Variants in ADCY9 observed in about 807,000 individuals in gnomAD.
ADCY9 encodes the protein adenylate cyclase type 9.
In ADCY9, 50 loss-of-function variants were observed where a neutral mutation model predicts 101.5. The observed-to-expected ratio is 0.49, with a 90% CI of 0.39 to 0.62. The LOEUF (loss-of-function observed/expected upper bound fraction) is 0.62, where lower values mean the gene tolerates loss of function less well. Ranked by LOEUF, ADCY9 falls within the 20% of genes least tolerant of loss-of-function variation. The probability of loss-of-function intolerance (pLI) is 0.00; values close to 1 mark genes in which losing one functional copy is unlikely to be tolerated. For missense variants in ADCY9, 1,662 were observed against 1,800.4 expected (o/e 0.92, Z 1.39); for synonymous variants, 905 against 769.3 (o/e 1.18, Z -2.92).
chr16:4,072,041 T>C (rs552808122), intron 2 of ADCY9, among the ~76,000 whole-genome samples: 2 of 152,346 alleles, frequency 1.3e-5, no homozygotes, highest in South Asian at 4.1e-4. Flanking sequence ...GTTTTGCCTA[T>C]TCTGACAGAA....
At chr16:4,045,594 T>TAAAAAAAAAA (rs545715002) in intron 2 of ADCY9, among the ~76,000 whole-genome samples, 2 of 64,964 alleles carry the variant, frequency 3.1e-5, no homozygotes, top group African/African-American at 1.1e-4. Flanking sequence ...GACTCTGCCT[T>TAAAAAAAAAA]AAAAAAAAAA....
chr16:4,025,263 C>G (rs2056506636), intron 2 of ADCY9, among the ~76,000 whole-genome samples: 1 of 151,878 alleles, frequency 6.6e-6, no homozygotes. Context: ...ATCCCAGCTA[C>G]TCAGGAGGCT....
intron 2 of ADCY9, among the ~76,000 whole-genome samples, chr16:4,068,798 C>T (rs1394455572): frequency 7.0e-6 from 1 of 142,456 alleles, no homozygotes; most frequent in South Asian, 2.3e-4. Context: ...GCATGAGTGA[C>T]AAAGCGAGAC....
At chr16:4,017,938 G>T (rs2056449070) in intron 2 of ADCY9, among the ~76,000 whole-genome samples, 1 of 152,218 alleles carries the variant, frequency 6.6e-6, no homozygotes, top group Non-Finnish European at 1.5e-5. Flanking sequence ...AGCCCGCACA[G>T]CATGGTGAGC....
intron 2 of ADCY9, among the ~76,000 whole-genome samples, chr16:4,011,282 C>T (rs2056402647): frequency 1.3e-5 from 2 of 152,226 alleles, no homozygotes; most frequent in East Asian, 1.9e-4. Flanking sequence ...GAGCAGAGAA[C>T]GTGTGGAGGG....
chr16:4,089,806 G>C (rs1378528036), intron 2 of ADCY9, among the ~76,000 whole-genome samples: 1 of 151,996 alleles, frequency 6.6e-6, no homozygotes, highest in Non-Finnish European at 1.5e-5. Flanking sequence ...TGCGTGCCAA[G>C]GTGGCTTCCA....
rs573251551 is a variant in ADCY9, at chr16:4,068,504, T to C, written c.1693+45246A>G. Among the ~76,000 whole-genome samples the C allele has an allele frequency of 5.3e-5, 8 of 152,126 alleles. No individual in the cohort carries two copies. The East Asian group carries it at 1.2e-3, about 22-fold the overall frequency. On this transcript the variant is annotated intron_variant, in intron 2 of 10. Transcript: ENST00000294016. ...AGATCATGTTTTACATATGGTACAG[T>C]TGCTTGCTTTTTTCAATTCACAGTT...
intron 2 of ADCY9, among the ~76,000 whole-genome samples, chr16:4,106,096 C>A (rs544906351): frequency 6.6e-6 from 1 of 152,172 alleles, no homozygotes; most frequent in Non-Finnish European, 1.5e-5. Flanking sequence ...CACTTAACTC[C>A]GCAGAAAGGA....
intron 2 of ADCY9, among the ~76,000 whole-genome samples, chr16:4,073,851 C>T (rs377252126): frequency 3.3e-5 from 5 of 152,076 alleles, no homozygotes; most frequent in African/African-American, 4.8e-5. Flanking sequence ...CACAAAGAAA[C>T]GAAGAGTTCC....
intron 6 of ADCY9, 143 bp from the exon 7 acceptor site, chr16:3,983,583 T>C: frequency 1.5e-6 from 1 of 687,908 alleles, no homozygotes; most frequent in Non-Finnish European, 2.5e-6. Context: ...GAGGGCTGTC[T>C]CCCTCTACTA....
At chr16:4,112,983 A>T (rs894017805) in intron 2 of ADCY9, among the ~76,000 whole-genome samples, 2 of 152,144 alleles carry the variant, frequency 1.3e-5, no homozygotes, top group African/African-American at 4.8e-5. Flanking sequence ...ACCAGGGACC[A>T]GGCACCAGAT....
At chr16:3,980,013 C>T (rs1318493267) in intron 7 of ADCY9, among the ~76,000 whole-genome samples, 1 of 152,272 alleles carries the variant, frequency 6.6e-6, no homozygotes, top group African/African-American at 2.4e-5. Context: ...AATCACACCA[C>T]AGGCTGAACC....
rs771534758 is a variant in ADCY9 at position 3,966,420 on chromosome 16, G to A, written c.3417C>T (p.Phe1139=). The part of the protein sequence containing the change: ...SHPQEHLQIL[F]EFAKEMMRVV... Reference sequence around the variant, plus strand: ...CGCGCATCATCTCCTTGGCGAACTCGAACAGGATCTGCAGGTGCTCCTGCG... The same window carrying A: ...CGCGCATCATCTCCTTGGCGAACTCAAACAGGATCTGCAGGTGCTCCTGCG... Residue 1139 remains phenylalanine, a synonymous_variant, in exon 11 of 11, where the codon TTC becomes TTT. Transcript: ENST00000294016. 3 of 1,614,102 alleles carry A rather than the reference G, an allele frequency of 1.9e-6. No homozygotes were observed. Among genetic ancestry groups the A allele is most frequent in the East Asian group, 2.2e-5 (1 of 44,872 alleles).
chr16:4,045,740 C>T (rs2056658751), intron 2 of ADCY9, among the ~76,000 whole-genome samples: 2 of 151,872 alleles, frequency 1.3e-5, no homozygotes, highest in African/African-American at 4.8e-5. Context: ...ACTCTGTTGC[C>T]CAGGCTGCAG....
At chr16:3,984,536 C>T (rs547187632) in intron 6 of ADCY9, among the ~76,000 whole-genome samples, 24 of 152,304 alleles carry the variant, frequency 1.6e-4, no homozygotes, top group Non-Finnish European at 2.6e-4. Context: ...CCACCCATCT[C>T]GGTGTACAGA....
intron 2 of ADCY9, among the ~76,000 whole-genome samples, chr16:4,095,079 T>C (rs1319441328): frequency 6.6e-6 from 1 of 150,736 alleles, no homozygotes; most frequent in Admixed American, 6.6e-5. Context: ...CTCAGCTCAC[T>C]GCAACCTCTA....
chr16:4,089,410 C>T (rs1597218768), intron 2 of ADCY9, among the ~76,000 whole-genome samples: 2 of 152,000 alleles, frequency 1.3e-5, no homozygotes, highest in East Asian at 3.9e-4. Context: ...AAGGCTGAAT[C>T]GTATGCTATC....
intron 2 of ADCY9, among the ~76,000 whole-genome samples, chr16:4,031,632 G>A (rs935196076): frequency 2.6e-5 from 4 of 152,188 alleles, no homozygotes; most frequent in African/African-American, 9.6e-5. Flanking sequence ...ACCTGGAATC[G>A]CAGCACTTTG....
At chr16:4,025,193 G>A (rs866961543) in intron 2 of ADCY9, among the ~76,000 whole-genome samples, 4 of 151,968 alleles carry the variant, frequency 2.6e-5, no homozygotes, top group Admixed American at 2.0e-4. Flanking sequence ...TGAAACCCCC[G>A]TCTCTATTAA....
Sources: allele counts gnomAD v4.1 joint callset (sites outside exome capture counted in the v4.1 genomes callset), GRCh38; gene constraint gnomAD v4.1.1; transcripts MANE v1.5; gene names NCBI Gene and HGNC (gene_info 2026-07-23, HGNC 2026-07-21).